Variants in ANKRD44 observed in about 807,000 individuals in gnomAD.
ANKRD44 encodes serine/threonine-protein phosphatase 6 regulatory ankyrin repeat subunit B.
A neutral mutation model predicts 116.0 loss-of-function variants in ANKRD44; 35 were observed. The ratio of observed to expected loss-of-function variants is 0.30; its 90% CI spans 0.23 to 0.40. The LOEUF is 0.40. Among genes scored for constraint, ANKRD44 ranks in the 10% least tolerant of loss-of-function variants. The pLI, the probability that ANKRD44 is intolerant of heterozygous loss-of-function variation, is 1.00. For missense variants in ANKRD44, 1,014 were observed against 1,242.6 expected, an observed-to-expected ratio of 0.82 and a Z score of 2.77; for synonymous variants, 435 against 461.8, an observed-to-expected ratio of 0.94 and a Z score of 0.74.
In ANKRD44 at chr2:197,274,018, T is replaced by TAGATATATATAG. The variant is rs56952873; in HGVS notation, c.27+36559_27+36560insCTATATATATCT. Among the ~76,000 whole-genome samples, 60 of 71,012 alleles carry TAGATATATATAG rather than the reference T, an allele frequency of 8.4e-4. 3 individuals are homozygous for TAGATATATATAG. The highest frequency in any genetic ancestry group is 3.2e-3 in the East Asian group (6 of 1,878). The allele number at this position is 71,012 out of a possible 152,430, so 46.6% of individuals were successfully genotyped here. On this transcript the variant is annotated intron_variant, in intron 1 of 27. Transcript: ENST00000282272. ...ATATATATATATATATATATATATA[T>TAGATATATATAG]ATATATATATGAATCAGACAGGCTT...
chr2:197,039,405 C>T (rs542449270), intron 16 of ANKRD44, among the ~76,000 whole-genome samples: 8 of 152,256 alleles, frequency 5.3e-5, no homozygotes, highest in Admixed American at 1.3e-4. Context: ...ATGAGTGCTG[C>T]AAGTTCATTT....
Position 197,075,121 on chromosome 2 carries a change from AG to A in ANKRD44, c.1650+3581del, listed in dbSNP as rs1315471786. Among the ~76,000 whole-genome samples the A allele has an allele frequency of 2.1e-4, 32 of 152,182 alleles. 1 individual carries two copies. Among genetic ancestry groups the A allele is most frequent in the Admixed American group, 6.5e-5 (1 of 15,272 alleles). ...AAAAAATCTCAGCCTGAAAGTAATC[AG>A]AGGCCTAGAGTTTTCAATCTCTCTA... On this transcript the variant is annotated intron_variant, in intron 16 of 27. Coordinates refer to ENST00000282272, the MANE Select transcript of ANKRD44 (RefSeq NM_001195144.2).
intron 16 of ANKRD44, among the ~76,000 whole-genome samples, chr2:197,026,043 G>GAAACAAAC: frequency 4.4e-5 from 1 of 22,736 alleles, no homozygotes; most frequent in South Asian, 2.8e-3. Context: ...GAGATAAAAA[G>GAAACAAAC]AAACAAAAAA....
At chr2:197,175,657 A>G (rs1053257186) in intron 2 of ANKRD44, among the ~76,000 whole-genome samples, 12 of 152,308 alleles carry the variant, frequency 7.9e-5, no homozygotes, top group South Asian at 2.1e-4. Context: ...GATTCCTTCA[A>G]TGCTTTTTGG....
At chr2:197,093,809 A>G (rs533577924) in intron 10 of ANKRD44, among the ~76,000 whole-genome samples, 6 of 152,324 alleles carry the variant, frequency 3.9e-5, no homozygotes, top group Non-Finnish European at 8.8e-5. Flanking sequence ...TTAGCCAATT[A>G]AGAAGCATCA....
intron 16 of ANKRD44, among the ~76,000 whole-genome samples, chr2:197,044,399 T>G (rs1011341769): frequency 6.6e-6 from 1 of 152,134 alleles, no homozygotes; most frequent in Non-Finnish European, 1.5e-5. Flanking sequence ...TGGAGTCTCA[T>G]TCTGTTGCCC....
At chr2:197,060,330 C>T (rs574359553) in intron 16 of ANKRD44, among the ~76,000 whole-genome samples, 1 of 152,178 alleles carries the variant, frequency 6.6e-6, no homozygotes, top group Non-Finnish European at 1.5e-5. Flanking sequence ...CCACTTGTAC[C>T]TATCATATGC....
chr2:197,073,892 G>A (rs906601685), intron 16 of ANKRD44, among the ~76,000 whole-genome samples: 2 of 152,136 alleles, frequency 1.3e-5, no homozygotes, highest in African/African-American at 4.8e-5. Context: ...AAACTGAAAT[G>A]TTCTATTTTA....
chr2:197,175,174 C>A (rs1407393546), intron 2 of ANKRD44, among the ~76,000 whole-genome samples: 1 of 152,150 alleles, frequency 6.6e-6, no homozygotes, highest in Non-Finnish European at 1.5e-5. Flanking sequence ...AATGAAATAT[C>A]TTGAGCCTGT....
chr2:197,118,687 T>C (rs972042944), intron 8 of ANKRD44, among the ~76,000 whole-genome samples: 3 of 122,840 alleles, frequency 2.4e-5, no homozygotes, highest in Admixed American at 7.8e-5. Context: ...AAAACCTAAA[T>C]CATAATTTTG....
chr2:197,064,348 T>C (rs2077385262), intron 16 of ANKRD44, among the ~76,000 whole-genome samples: 1 of 152,138 alleles, frequency 6.6e-6, no homozygotes, highest in African/African-American at 2.4e-5. Context: ...TGCAAAAACA[T>C]GACAAATTGT....
chr2:197,155,999 G>T (rs1383337727), intron 2 of ANKRD44, among the ~76,000 whole-genome samples: 2 of 152,146 alleles, frequency 1.3e-5, no homozygotes, highest in Non-Finnish European at 1.5e-5. Flanking sequence ...GTAGGCAAAA[G>T]ATTTGAACAG....
chr2:196,989,535 T>G lies in ANKRD44; in HGVS notation c.*56A>C. On this transcript the variant is annotated 3_prime_UTR_variant, in exon 28 of 28. Coordinates refer to ENST00000282272, the MANE Select transcript of ANKRD44 (RefSeq NM_001195144.2). ...ACACACACACACACATATATATATATATACACACGCACACATATATGTGTG... is the reference window on the plus strand; with the variant it reads ...ACACACACACACACATATATATATAGATACACACGCACACATATATGTGTG... 6.5e-7 allele frequency: 1 copy of G among 1,538,112 alleles called. No homozygotes were observed. The highest frequency in any genetic ancestry group is 8.8e-7 in the Non-Finnish European group (1 of 1,140,598).
intron 12 of ANKRD44, 68 bp downstream of exon 12, chr2:197,088,643 C>T: frequency 1.0e-6 from 1 of 952,502 alleles, no homozygotes; most frequent in South Asian, 2.1e-5. Flanking sequence ...GATTCACAGA[C>T]AACTTAAGTC....
chr2:197,051,067 A>G (rs1191979923), intron 16 of ANKRD44, among the ~76,000 whole-genome samples: 1 of 149,438 alleles, frequency 6.7e-6, no homozygotes, highest in Non-Finnish European at 1.5e-5. Flanking sequence ...GGCTCAAGTG[A>G]TCCTCCCACC....
intron 1 of ANKRD44, among the ~76,000 whole-genome samples, chr2:197,283,567 T>C (rs1457583019): frequency 2.0e-5 from 3 of 152,240 alleles, no homozygotes; most frequent in Non-Finnish European, 4.4e-5. Context: ...TAATGTTTCC[T>C]TATAAAATAA....
intron 1 of ANKRD44, chr2:197,199,400 C>T (rs2081042268): frequency 1.3e-5 from 2 of 152,112 alleles, no homozygotes; most frequent in African/African-American, 4.8e-5. Flanking sequence ...ATCAAAACCC[C>T]TGTGCATTTT....
At chr2:196,991,097 C>T (rs1299801807) in intron 27 of ANKRD44, among the ~76,000 whole-genome samples, 1 of 151,686 alleles carries the variant, frequency 6.6e-6, no homozygotes, top group Non-Finnish European at 1.5e-5. Context: ...AGGGGTGAGG[C>T]TAGAGGGGGA....
intron 16 of ANKRD44, among the ~76,000 whole-genome samples, chr2:197,074,966 C>T (rs2077634654): frequency 6.6e-6 from 1 of 152,132 alleles, no homozygotes; most frequent in Admixed American, 6.6e-5. Flanking sequence ...ATCCCAGAAG[C>T]TCCTAGAATA....
Sources: allele counts gnomAD v4.1 joint callset (sites outside exome capture counted in the v4.1 genomes callset), GRCh38; gene constraint gnomAD v4.1.1; transcripts MANE v1.5; gene names NCBI Gene and HGNC (gene_info 2026-07-23, HGNC 2026-07-21).